The following SNED1 variants were observed in gnomAD, a reference collection of about 807,000 sequenced individuals.
SNED1 encodes the protein sushi, nidogen and EGF-like domain-containing protein 1.
Under a neutral mutation model 166.7 loss-of-function variants are expected in SNED1, and 81 were observed. The observed-to-expected ratio is 0.49, with a 90% CI of 0.41 to 0.58. The LOEUF is 0.58. Among genes scored for constraint, SNED1 ranks in the 20% least tolerant of loss-of-function variants. SNED1 has a pLI of 0.00. For missense variants in SNED1, 1,604 were observed against 2,000.2 expected, an observed-to-expected ratio of 0.80 and a Z score of 3.78; for synonymous variants, 762 against 822.0, an observed-to-expected ratio of 0.93 and a Z score of 1.25.
chr2:241,026,172 C>T (rs558385274), intron 1 of SNED1, among the ~76,000 whole-genome samples: 92 of 151,962 alleles, frequency 6.1e-4, no homozygotes, highest in Non-Finnish European at 1.1e-3. Context: ...CCCAACACCA[C>T]GACCAGCTAA....
chr2:241,037,097 C>A, intron 5 of SNED1, 143 bp from the exon 6 acceptor site: 2 of 1,003,668 alleles, frequency 2.0e-6, no homozygotes, highest in Non-Finnish European at 3.0e-6. Context: ...CTGGAGTGAG[C>A]ACCATGGGCG....
Position 241,075,872 on chromosome 2 carries a change from G to A in SNED1, c.3916+2508G>A, listed in dbSNP as rs1296435899. Among the ~76,000 whole-genome samples the A allele has an allele frequency of 6.6e-6, 1 of 151,874 alleles. No homozygotes were observed. Among genetic ancestry groups the A allele is most frequent in the Non-Finnish European group, 1.5e-5 (1 of 67,992 alleles). ...CTGTTAGACTGTGTGTGTGTGAGAA[G>A]TTGGGCTACAATTTCATTTTTTATG... On this transcript the variant is annotated intron_variant, in intron 27 of 31. Coordinates refer to ENST00000310397, the MANE Select transcript of SNED1 (RefSeq NM_001080437.3). The surrounding 1 kb of genome is among the most constrained non-coding windows in gnomAD (Gnocchi z 4.8).
intron 31 of SNED1, chr2:241,089,912 AGT>A: frequency 6.5e-7 from 1 of 1,528,322 alleles, no homozygotes; most frequent in Non-Finnish European, 8.8e-7. Context: ...CACAGTGCCA[AGT>A]GTGTGTGTAT....
chr2:241,078,540 G>C (rs778157920), intron 27 of SNED1, among the ~76,000 whole-genome samples: 3 of 151,848 alleles, frequency 2.0e-5, no homozygotes, highest in Non-Finnish European at 4.4e-5. Flanking sequence ...GCCAGACACA[G>C]AAGACTCTAT....
intron 16 of SNED1, 78 bp downstream of exon 16, chr2:241,053,404 G>A: frequency 3.5e-6 from 5 of 1,423,464 alleles, no homozygotes; most frequent in Non-Finnish European, 4.7e-6. Flanking sequence ...GAGCACAGGG[G>A]CTGCAGGCCC....
chr2:241,080,346 T>C (rs2063273072), intron 27 of SNED1, among the ~76,000 whole-genome samples: 1 of 152,336 alleles, frequency 6.6e-6, no homozygotes, highest in Non-Finnish European at 1.5e-5. Context: ...GAAATATTAG[T>C]ATGAACTCAT....
intron 2 of SNED1, among the ~76,000 whole-genome samples, chr2:241,032,294 G>A (rs1468619370): frequency 6.6e-6 from 1 of 152,006 alleles, no homozygotes; most frequent in East Asian, 1.9e-4. Flanking sequence ...AGGTTGCAGT[G>A]AGCCGAGATC....
At position 241,064,804 on chromosome 2, in the gene SNED1, G is replaced by C. The variant is rs1287911860; in HGVS notation, c.2600-40G>C. Reference sequence around the variant, plus strand: ...GGCGGGGCTGGAGCAGGGACCCCTGGCCACGCCCCAACATACACTGCCACT... The same window carrying C: ...GGCGGGGCTGGAGCAGGGACCCCTGCCCACGCCCCAACATACACTGCCACT... On this transcript the variant is annotated intron_variant, in intron 19 of 31. Transcript: ENST00000310397. This position sits in a 1 kb window ranked among gnomAD's most constrained non-coding sequence, Gnocchi z 7.0. 1.3e-5 allele frequency: 19 copies of C among 1,429,244 alleles called. No individual in the cohort carries two copies. The highest frequency in any genetic ancestry group is 1.7e-5 in the Non-Finnish European group (18 of 1,065,608). The allele number at this position is 1,429,244 out of a possible 1,614,324, so 88.5% of individuals were successfully genotyped here.
chr2:241,028,111 G>T (rs1026151727), intron 1 of SNED1, among the ~76,000 whole-genome samples: 2 of 152,140 alleles, frequency 1.3e-5, no homozygotes, highest in African/African-American at 4.8e-5. Context: ...GTCTGTTCAA[G>T]TCCTTTCTCA....
chr2:241,012,068 C>A (rs1385017689), intron 1 of SNED1, among the ~76,000 whole-genome samples: 1 of 152,198 alleles, frequency 6.6e-6, no homozygotes, highest in South Asian at 2.1e-4. Context: ...CTTCAAAGGC[C>A]GACAGAAAAC....
chr2:241,026,323 A>G (rs559684648), intron 1 of SNED1, among the ~76,000 whole-genome samples: 24 of 151,738 alleles, frequency 1.6e-4, no homozygotes, highest in African/African-American at 5.6e-4. Flanking sequence ...GCCTGTTTTT[A>G]TTTTTCTAGC....
chr2:241,049,244 C>G (rs2061755352), intron 11 of SNED1, 109 bp downstream of exon 11: 1 of 780,732 alleles, frequency 1.3e-6, no homozygotes, highest in African/African-American at 1.7e-5. Flanking sequence ...CCTTCTGACT[C>G]TCGGGAGAGC....
chr2:241,035,358 C>T (rs1264619908), intron 4 of SNED1, among the ~76,000 whole-genome samples: 1 of 152,152 alleles, frequency 6.6e-6, no homozygotes, highest in East Asian at 1.9e-4. Context: ...GTGGGTGTCC[C>T]TCCCAGGGGT....
chr2:241,034,375 G>A (rs911294443), intron 3 of SNED1, among the ~76,000 whole-genome samples, 193 bp from the exon 4 acceptor site: 1 of 152,230 alleles, frequency 6.6e-6, no homozygotes, highest in African/African-American at 2.4e-5. Context: ...AGAGCCCAGA[G>A]GTGAGCTGCC....
chr2:241,088,277 C>A, intron 30 of SNED1, 88 bp from the exon 31 acceptor site: 1 of 914,986 alleles, frequency 1.1e-6, no homozygotes, highest in Non-Finnish European at 1.8e-6. Flanking sequence ...AAGACAGGAT[C>A]TCAGCAGGCA....
rs777353933 is a variant in SNED1, at chr2:241,071,458, G to GC, written c.3590-112dup. ...TTGGATGACCACGGCCCACGCACAT[G>GC]CCCCCCTTCCCTTCTCCAAGCACGG... is the stretch of plus-strand genomic sequence containing the variant. On this transcript the variant is annotated intron_variant, in intron 24 of 31. Transcript: ENST00000310397. The GC allele has an allele frequency of 4.0e-5, 49 of 1,219,790 alleles. 1 individual carries two copies. In the South Asian group the frequency reaches 5.3e-4, roughly 13 times the overall value. 75.6% of individuals were successfully genotyped at this position (1,219,790 alleles called of 1,614,324 possible). A position where few individuals can be genotyped will look rare whatever the true frequency, so the allele number is the denominator to read the frequency against.
intron 1 of SNED1, among the ~76,000 whole-genome samples, chr2:241,025,302 C>A (rs944209945): frequency 6.6e-6 from 1 of 152,222 alleles, no homozygotes; most frequent in Non-Finnish European, 1.5e-5. Flanking sequence ...CCCACACCCC[C>A]ACCCCAGTCC....
chr2:241,065,628 A>G, intron 21 of SNED1, 33 bp downstream of exon 21: 1 of 1,597,292 alleles, frequency 6.3e-7, no homozygotes, highest in Non-Finnish European at 8.5e-7. Flanking sequence ...GTCCCTGCCC[A>G]GCCCCTGCCC....
chr2:241,071,809 G>A lies in SNED1; in HGVS notation c.3748G>A (p.Val1250Met), dbSNP rs1428700090. The A allele has an allele frequency of 3.1e-6, 5 of 1,598,700 alleles. No homozygotes were observed. The highest frequency in any genetic ancestry group is 4.3e-6 in the Non-Finnish European group (5 of 1,173,062). ...PTQPPRFSEL[V>M]DGRGRVSARF... ...CCCTCTCTGCAGGTTCTCGGAGCTTGTGGACGGCAGAGGAAGAGTGAGCGC... is the reference window on the plus strand; with the variant it reads ...CCCTCTCTGCAGGTTCTCGGAGCTTATGGACGGCAGAGGAAGAGTGAGCGC... The change falls in exon 26 of 32, where the codon GTG becomes ATG. Residue 1250 changes from valine to methionine, a missense_variant. Physicochemically the swap from Val to Met is conservative, Grantham distance 21 (BLOSUM62 1). Transcript: ENST00000310397.
Sources: gnomAD v4.1 joint callset for allele counts (sites outside exome capture counted in the v4.1 genomes callset) on GRCh38, gnomAD v4.1.1 for gene constraint, Gnocchi (gnomAD v3.1) non-coding constraint, MANE v1.5 for transcripts, NCBI Gene and HGNC (gene_info 2026-07-23, HGNC 2026-07-21) for gene names.